MEGF9: variants seen among roughly 807,000 people sequenced by gnomAD.
MEGF9 encodes multiple EGF like domains 9, also known as multiple epidermal growth factor-like domains protein 9.
MEGF9 carries 6 observed loss-of-function variants against 46.8 expected under a neutral mutation model. That is an observed-to-expected ratio of 0.13 (90% confidence interval 0.07 to 0.25). MEGF9 has a LOEUF of 0.25. MEGF9 is among the 10% of genes least tolerant of loss of function. MEGF9 has a pLI of 1.00. For missense variants in MEGF9, 683 were observed against 792.4 expected (o/e 0.86, Z 1.66); for synonymous variants, 302 against 330.7 (o/e 0.91, Z 0.94).
At chr9:120,627,160 T>C (rs1425908720) in intron 2 of MEGF9, among the ~76,000 whole-genome samples, 1 of 152,186 alleles carries the variant, frequency 6.6e-6, no homozygotes, top group Non-Finnish European at 1.5e-5. Context: ...GAGCACATTA[T>C]AAACACATGG....
At chr9:120,679,369 C>T (rs960701886) in intron 1 of MEGF9, among the ~76,000 whole-genome samples, 2 of 151,048 alleles carry the variant, frequency 1.3e-5, no homozygotes, top group Non-Finnish European at 2.9e-5. Context: ...CAAACTATCA[C>T]AAGGACAGAA....
chr9:120,651,420 T>G (rs944408967), intron 2 of MEGF9, among the ~76,000 whole-genome samples: 1 of 152,208 alleles, frequency 6.6e-6, no homozygotes, highest in East Asian at 1.9e-4. Flanking sequence ...AATGTTTTAA[T>G]TCCAACTCTT....
At chr9:120,640,657 T>G (rs1564418305) in intron 2 of MEGF9, among the ~76,000 whole-genome samples, 1 of 152,214 alleles carries the variant, frequency 6.6e-6, no homozygotes, top group Admixed American at 6.5e-5. Context: ...TATTTTCATT[T>G]CAGTCCATTT....
At chr9:120,625,549 A>G (rs2043520214) in intron 2 of MEGF9, among the ~76,000 whole-genome samples, 1 of 151,696 alleles carries the variant, frequency 6.6e-6, no homozygotes, top group South Asian at 2.1e-4. Flanking sequence ...AAAAAGATTT[A>G]AATCGGCCAG....
At chr9:120,676,803 C>G (rs927024829) in intron 1 of MEGF9, among the ~76,000 whole-genome samples, 1 of 152,152 alleles carries the variant, frequency 6.6e-6, no homozygotes, top group Non-Finnish European at 1.5e-5. Context: ...AACTATGTCT[C>G]GGACTTTGTT....
chr9:120,611,887 A>AGAGAG (rs1564411734), intron 4 of MEGF9, among the ~76,000 whole-genome samples: 1 of 75,278 alleles, frequency 1.3e-5, no homozygotes, highest in Non-Finnish European at 3.5e-5. Flanking sequence ...GAGAGAGAGA[A>AGAGAG]AGAAAGAAAG....
intron 4 of MEGF9, among the ~76,000 whole-genome samples, chr9:120,611,819 AAAG>A (rs2043446564): frequency 1.4e-5 from 2 of 145,084 alleles, no homozygotes; most frequent in Admixed American, 6.9e-5. Context: ...AAAGAAAAGA[AAAG>A]AAAAGAAAGA....
chr9:120,653,961 C>T (rs1218228252), intron 2 of MEGF9, among the ~76,000 whole-genome samples: 1 of 152,102 alleles, frequency 6.6e-6, no homozygotes, highest in Middle Eastern at 3.2e-3. Flanking sequence ...AAGGCTGGTG[C>T]CCAGGAGTAG....
chr9:120,637,181 G>C (rs2043580988), intron 2 of MEGF9, among the ~76,000 whole-genome samples: 1 of 152,026 alleles, frequency 6.6e-6, no homozygotes, highest in Non-Finnish European at 1.5e-5. Context: ...AATGGATTAA[G>C]GGTGGTGCAA....
intron 2 of MEGF9, among the ~76,000 whole-genome samples, chr9:120,653,723 C>T (rs2043664063): frequency 6.6e-6 from 1 of 151,908 alleles, no homozygotes; most frequent in Non-Finnish European, 1.5e-5. Context: ...CTGTTGTGAC[C>T]AATAGAAGTA....
At chr9:120,704,985 AT>A (rs544377110) in intron 1 of MEGF9, among the ~76,000 whole-genome samples, 3,598 of 151,390 alleles carry the variant, frequency 0.024, 154 homozygotes, top group African/African-American at 0.083. Flanking sequence ...AAAGTTCTTG[AT>A]TTTTTTTTAG....
intron 1 of MEGF9, among the ~76,000 whole-genome samples, chr9:120,670,147 A>G (rs912303847): frequency 1.3e-5 from 2 of 152,228 alleles, no homozygotes; most frequent in African/African-American, 4.8e-5. Context: ...CCCAGGCTAG[A>G]GTGCCATGGC....
chr9:120,624,289 G>A (rs1201331507), intron 2 of MEGF9, among the ~76,000 whole-genome samples: 4 of 152,108 alleles, frequency 2.6e-5, no homozygotes, highest in African/African-American at 9.7e-5. Flanking sequence ...CTGCAGTGGC[G>A]TGATTTCGGC....
chr9:120,658,186 T>C (rs1450685309), intron 2 of MEGF9, among the ~76,000 whole-genome samples: 1 of 152,132 alleles, frequency 6.6e-6, no homozygotes, highest in Non-Finnish European at 1.5e-5. Context: ...GGGGTTTCAC[T>C]GTGCTGGCCA....
intron 2 of MEGF9, among the ~76,000 whole-genome samples, chr9:120,653,180 T>G (rs551551403): frequency 6.6e-6 from 1 of 152,296 alleles, no homozygotes; most frequent in South Asian, 2.1e-4. Context: ...CCTGCAACTT[T>G]CCATTTCTGT....
intron 5 of MEGF9, among the ~76,000 whole-genome samples, chr9:120,607,477 T>C (rs758603075): frequency 1.3e-5 from 2 of 151,734 alleles, no homozygotes; most frequent in African/African-American, 4.8e-5. Context: ...ATTATTAACA[T>C]AAAAATAAAA....
intron 1 of MEGF9, among the ~76,000 whole-genome samples, chr9:120,711,869 A>ACACACACACACACC (rs1205420778): frequency 1.3e-5 from 2 of 149,946 alleles, no homozygotes; most frequent in African/African-American, 2.5e-5. Context: ...ACACACACAC[A>ACACACACACACACC]CACCCACAGG....
chr9:120,658,141 C>T (rs112709130), intron 2 of MEGF9, among the ~76,000 whole-genome samples: 7 of 152,178 alleles, frequency 4.6e-5, no homozygotes, highest in South Asian at 2.1e-4. Context: ...TGTGCCACCA[C>T]GCCCAGCTAA....
chr9:120,643,708 TTTC>T (rs1436076268), intron 2 of MEGF9, among the ~76,000 whole-genome samples: 1 of 152,094 alleles, frequency 6.6e-6, no homozygotes, highest in Non-Finnish European at 1.5e-5. Context: ...TTCTTTTTTT[TTTC>T]TTTTTTTTTT....
Sources: gnomAD v4.1 joint callset for allele counts (sites outside exome capture counted in the v4.1 genomes callset) on GRCh38, gnomAD v4.1.1 for gene constraint, MANE v1.5 for transcripts, NCBI Gene and HGNC (gene_info 2026-07-23, HGNC 2026-07-21) for gene names.